Variants in SLC6A2 observed in about 807,000 individuals in gnomAD.
SLC6A2 encodes the protein sodium-dependent noradrenaline transporter.
Under a neutral mutation model 71.7 loss-of-function variants are expected in SLC6A2, and 26 were observed. That is an observed-to-expected ratio of 0.36 (90% CI 0.27 to 0.50). The LOEUF is 0.50. SLC6A2 is among the 20% of genes least tolerant of loss of function. The pLI, the probability that SLC6A2 is intolerant of heterozygous loss-of-function variation, is 0.96. For synonymous variants in SLC6A2, 363 were observed against 337.9 expected (o/e 1.07, Z -0.82); for missense variants, 581 against 803.9 (o/e 0.72, Z 3.35).
intron 4 of SLC6A2, among the ~76,000 whole-genome samples, chr16:55,681,801 G>A (rs143532377): frequency 6.6e-6 from 1 of 152,360 alleles, no homozygotes; most frequent in Admixed American, 6.5e-5. Context: ...TCCCCTGCAG[G>A]TGTGTACAAT....
chr16:55,700,865 GTA>G (rs1172532503), intron 13 of SLC6A2, among the ~76,000 whole-genome samples: 2 of 151,246 alleles, frequency 1.3e-5, no homozygotes, highest in African/African-American at 2.4e-5. Context: ...ATACATACAT[GTA>G]TATATACACA....
intron 2 of SLC6A2, among the ~76,000 whole-genome samples, chr16:55,664,168 T>A (rs1964685045): frequency 1.3e-5 from 2 of 152,130 alleles, no homozygotes; most frequent in African/African-American, 4.8e-5. Flanking sequence ...TTCAGAACTC[T>A]TCTAGGGTCA....
Position 55,656,748 on chromosome 16 carries a change from C to T in SLC6A2, c.54C>T (p.Asp18=), listed in dbSNP as rs753560940. Residue 18 remains aspartate, a synonymous_variant, in exon 2 of 15, where the codon GAC becomes GAT. Transcript: ENST00000568943. This position sits in a 1 kb window ranked among gnomAD's most constrained non-coding sequence, Gnocchi z 4.5. ...TGCAGCCCGAGAACAACGGGGCGGA[C>T]ACGGGTCCAGAGCAGCCCCTTCGGG... ...PQVQPENNGA[D]TGPEQPLRAR... is the part of the protein sequence containing the mutation. 1.9e-6 allele frequency: 3 copies of T among 1,613,100 alleles called. No individual in the cohort carries two copies. Among genetic ancestry groups the T allele is most frequent in the South Asian group, 1.1e-5 (1 of 91,058 alleles).
chr16:55,665,565 T>C (rs1172307204), intron 2 of SLC6A2, among the ~76,000 whole-genome samples: 2 of 152,112 alleles, frequency 1.3e-5, no homozygotes, highest in African/African-American at 2.4e-5. Context: ...CTCAACAAAC[T>C]AGGTGTCAGG....
intron 4 of SLC6A2, among the ~76,000 whole-genome samples, chr16:55,682,994 G>C (rs1178776655): frequency 6.6e-6 from 1 of 152,234 alleles, no homozygotes; most frequent in Non-Finnish European, 1.5e-5. Context: ...CCGAGGCCCA[G>C]ATGGGCTGGC....
chr16:55,659,567 A>G (rs554823569), intron 2 of SLC6A2, among the ~76,000 whole-genome samples: 1 of 152,336 alleles, frequency 6.6e-6, no homozygotes, highest in African/African-American at 2.4e-5. Context: ...AGGCACAATG[A>G]GGGCAGAGAC....
In SLC6A2 at chr16:55,700,872, T is replaced by C. The variant is rs182715551; in HGVS notation, c.1758+566T>C. On this transcript the variant is annotated intron_variant, in intron 13 of 14. Coordinates refer to ENST00000568943, the MANE Select transcript of SLC6A2 (RefSeq NM_001172501.3). ...GTGTGTATATACATACATGTATATA[T>C]ACACACACACACACATTTATATAAA... Among the ~76,000 whole-genome samples the C allele has an allele frequency of 2.6e-3, 388 of 152,032 alleles. 5 individuals carry two copies. Among genetic ancestry groups the C allele is most frequent in the African/African-American group, 7.5e-3 (311 of 41,484 alleles).
intron 6 of SLC6A2, among the ~76,000 whole-genome samples, chr16:55,692,509 C>T (rs1205215186): frequency 6.6e-6 from 1 of 152,150 alleles, no homozygotes. Flanking sequence ...AACTCTCTTC[C>T]CCAACACCCT....
chr16:55,705,588 A>G lies in SLC6A2; in HGVS notation c.*3242A>G, dbSNP rs1966084093. 1 of 277,194 alleles carries G rather than the reference A, an allele frequency of 3.6e-6. No individual in the cohort carries two copies. The highest frequency in any genetic ancestry group is 2.2e-5 in the African/African-American group (1 of 45,950). 17.2% of individuals were successfully genotyped at this position (277,194 alleles called of 1,614,324 possible). A position where few individuals can be genotyped will look rare whatever the true frequency, so the allele number is the denominator to read the frequency against. On this transcript the variant is annotated 3_prime_UTR_variant, in exon 15 of 15. Transcript: ENST00000568943. ...AGTGGCTTCATCTTTTGGGGCTTCAAGATTCTTTGTCTTTAAAATCAGGGG... is the reference window on the plus strand; with the variant it reads ...AGTGGCTTCATCTTTTGGGGCTTCAGGATTCTTTGTCTTTAAAATCAGGGG...
At chr16:55,694,590 A>G (rs1965736831) in intron 7 of SLC6A2, among the ~76,000 whole-genome samples, 1 of 152,186 alleles carries the variant, frequency 6.6e-6, no homozygotes, top group South Asian at 2.1e-4. Flanking sequence ...CTTCAGGCAT[A>G]GGCACAAATT....
intron 3 of SLC6A2, 146 bp downstream of exon 3, chr16:55,669,842 T>A (rs1333872994): frequency 2.3e-6 from 2 of 877,042 alleles, no homozygotes; most frequent in Non-Finnish European, 3.7e-6. Flanking sequence ...TGTCCCCCAT[T>A]CCAAGTTACG....
Position 55,702,962 on chromosome 16 carries a change from A to G in SLC6A2, c.*616A>G. 2.0e-6 allele frequency: 2 copies of G among 988,120 alleles called. No individual in the cohort carries two copies. The highest frequency in any genetic ancestry group is 2.4e-6 in the Non-Finnish European group (2 of 831,690). 61.2% of individuals were successfully genotyped at this position (988,120 alleles called of 1,614,324 possible). A position where few individuals can be genotyped will look rare whatever the true frequency, so the allele number is the denominator to read the frequency against. ...TTTTGAGTAGAAACATTCATAGTTA[A>G]TTTTCACTCTGGCCAATCTGAGTTT... On this transcript the variant is annotated 3_prime_UTR_variant, in exon 15 of 15. Coordinates refer to ENST00000568943, the MANE Select transcript of SLC6A2 (RefSeq NM_001172501.3).
chr16:55,676,283 T>C (rs1965084301), intron 4 of SLC6A2, among the ~76,000 whole-genome samples: 1 of 152,220 alleles, frequency 6.6e-6, no homozygotes, highest in Non-Finnish European at 1.5e-5. Flanking sequence ...ATCACATTAA[T>C]AGCTAACCTC....
In SLC6A2 at chr16:55,702,760, A is replaced by AC. The variant is rs886052137; in HGVS notation, c.*414_*415insC. 6.0e-4 allele frequency: 627 copies of AC among 1,041,528 alleles called. No individual in the cohort carries two copies. Among genetic ancestry groups the AC allele is most frequent in the Non-Finnish European group, 7.0e-4 (608 of 866,420 alleles). The allele number at this position is 1,041,528 out of a possible 1,614,324, so 64.5% of individuals were successfully genotyped here. The stretch of plus-strand genomic sequence containing the variant: ...AGATACCCCTCCCAAAAAAAAAAAA[A>AC]ACTAAAACTAAAGCAAAAATCAAAC... On this transcript the variant is annotated 3_prime_UTR_variant, in exon 15 of 15. Transcript: ENST00000568943.
At chr16:55,676,344 A>G (rs967726378) in intron 4 of SLC6A2, among the ~76,000 whole-genome samples, 11 of 152,098 alleles carry the variant, frequency 7.2e-5, no homozygotes, top group African/African-American at 2.7e-4. Flanking sequence ...TATTATTTTG[A>G]TTTAAGCCTC....
intron 2 of SLC6A2, among the ~76,000 whole-genome samples, chr16:55,665,870 C>T (rs1964736167): frequency 6.6e-6 from 1 of 152,182 alleles, no homozygotes; most frequent in South Asian, 2.1e-4. Flanking sequence ...TGTGGTTGGG[C>T]CAGAGGTGAT....
chr16:55,687,573 C>A (rs1965494798), intron 5 of SLC6A2, among the ~76,000 whole-genome samples: 1 of 149,756 alleles, frequency 6.7e-6, no homozygotes, highest in Non-Finnish European at 1.5e-5. Flanking sequence ...ACTCTCTGTG[C>A]CTTTCCTGGG....
At chr16:55,689,653 T>G (rs1032039233) in intron 5 of SLC6A2, among the ~76,000 whole-genome samples, 4 of 152,222 alleles carry the variant, frequency 2.6e-5, no homozygotes, top group African/African-American at 9.6e-5. Context: ...CTTGTGCCTT[T>G]TGCCAAGGGC....
At chr16:55,674,499 A>C (rs1016560356) in intron 4 of SLC6A2, among the ~76,000 whole-genome samples, 13 of 149,722 alleles carry the variant, frequency 8.7e-5, no homozygotes, top group African/African-American at 3.2e-4. Flanking sequence ...ATCTCGGCTC[A>C]CTGCAACCTC....
Sources: gnomAD v4.1 joint callset for allele counts (sites outside exome capture counted in the v4.1 genomes callset) on GRCh38, gnomAD v4.1.1 for gene constraint, Gnocchi (gnomAD v3.1) non-coding constraint, MANE v1.5 for transcripts, NCBI Gene and HGNC (gene_info 2026-07-23, HGNC 2026-07-21) for gene names.